Variants in SCN8A observed in about 807,000 individuals in gnomAD.
SCN8A encodes the protein sodium channel protein type 8 subunit alpha.
A neutral mutation model predicts 184.1 loss-of-function variants in SCN8A; 30 were observed. The observed-to-expected ratio is 0.16, with a 90% CI of 0.12 to 0.22. The LOEUF (loss-of-function observed/expected upper bound fraction) is 0.22, where lower values mean the gene tolerates loss of function less well. SCN8A is among the 10% of genes least tolerant of loss of function. The pLI is 1.00. For synonymous variants in SCN8A, 852 were observed against 907.0 expected (o/e 0.94, Z 1.09); for missense variants, 1,057 against 2,498.9 (o/e 0.42, Z 12.30).
chr12:51,690,191 G>T (rs1275044397), intron 6 of SCN8A, among the ~76,000 whole-genome samples: 1 of 152,110 alleles, frequency 6.6e-6, no homozygotes, highest in East Asian at 1.9e-4. Context: ...TTGGACTTTA[G>T]TTGTGGTCAT....
intron 2 of SCN8A, among the ~76,000 whole-genome samples, chr12:51,667,656 C>T (rs985620456): frequency 4.6e-5 from 7 of 152,118 alleles, no homozygotes; most frequent in African/African-American, 1.4e-4. Flanking sequence ...TACAAAATGG[C>T]CATATATACT....
Position 51,609,576 on chromosome 12 carries a change from T to C in SCN8A, c.-55+18217T>C, listed in dbSNP as rs541516680. Among the ~76,000 whole-genome samples, 8 of 152,320 alleles carry C rather than the reference T, an allele frequency of 5.3e-5. No individual in the cohort carries two copies. In the South Asian group the frequency reaches 1.5e-3, roughly 28 times the overall value. The stretch of plus-strand genomic sequence containing the variant: ...TTTTAACTGCTGTTGCTTTAAAGTT[T>C]GTTTTGTCTGATATAAGAATAGCTA... On this transcript the variant is annotated intron_variant, in intron 1 of 26. Coordinates refer to ENST00000627620, the MANE Select transcript of SCN8A (RefSeq NM_001330260.2).
rs1029409466 is a variant in SCN8A, at chr12:51,672,734, C to T, written c.276+9641C>T. ...AAACCTGCTTATCTTCTTTTATCTA[C>T]TTTCCTAGTTGATGGCACCAGCAAA... is the stretch of plus-strand genomic sequence containing the variant. On this transcript the variant is annotated intron_variant, in intron 2 of 26. Transcript: ENST00000627620. 5.9e-5 allele frequency among the ~76,000 whole-genome samples: 9 copies of T among 152,326 alleles called. 3 individuals carry two copies. Among genetic ancestry groups the T allele is most frequent in the Admixed American group, 5.9e-4 (9 of 15,298 alleles).
chr12:51,787,011 T>C (rs1938105554), intron 22 of SCN8A, among the ~76,000 whole-genome samples, 185 bp downstream of exon 22: 1 of 152,182 alleles, frequency 6.6e-6, no homozygotes, highest in Admixed American at 6.5e-5. Flanking sequence ...CTCTGACTTC[T>C]ACAAGATCTC....
At chr12:51,697,803 A>G (rs902895312) in intron 6 of SCN8A, among the ~76,000 whole-genome samples, 2 of 152,152 alleles carry the variant, frequency 1.3e-5, no homozygotes, top group Non-Finnish European at 2.9e-5. Context: ...CTCATTTGCT[A>G]TGTACTAAAT....
chr12:51,650,867 C>T (rs1418011485), intron 1 of SCN8A, among the ~76,000 whole-genome samples: 1 of 152,154 alleles, frequency 6.6e-6, no homozygotes, highest in Admixed American at 6.5e-5. Flanking sequence ...TCATAGCCTT[C>T]AGAGCTGAGA....
intron 14 of SCN8A, among the ~76,000 whole-genome samples, chr12:51,758,078 G>C (rs759629172): frequency 1.1e-4 from 17 of 152,240 alleles, no homozygotes; most frequent in Non-Finnish European, 2.4e-4. Flanking sequence ...CCAGGAATTT[G>C]ATGCCGAAGT....
At chr12:51,771,638 G>A (rs1942927019) in intron 19 of SCN8A, among the ~76,000 whole-genome samples, 1 of 152,192 alleles carries the variant, frequency 6.6e-6, no homozygotes, top group Admixed American at 6.5e-5. Flanking sequence ...GTTTACACAG[G>A]AAGGTGTCAG....
chr12:51,686,473 ATG>A lies in SCN8A; in HGVS notation c.485+23_485+24del. On this transcript the variant is annotated intron_variant, in intron 4 of 26. Transcript: ENST00000627620. ...AGAATGTGGAGTAAGTAACTCATTT[ATG>A]TGTGTGCTTGTTTGTTTTAAATATT... 6.7e-7 allele frequency: 1 copy of A among 1,496,626 alleles called. No homozygotes were observed. Among genetic ancestry groups the A allele is most frequent in the Admixed American group, 1.7e-5 (1 of 59,358 alleles). The allele number at this position is 1,496,626 out of a possible 1,614,324, so 92.7% of individuals were successfully genotyped here.
chr12:51,764,034 A>G (rs1296777549), intron 15 of SCN8A, among the ~76,000 whole-genome samples: 3 of 152,192 alleles, frequency 2.0e-5, no homozygotes, highest in African/African-American at 4.8e-5. Flanking sequence ...GAGAATAGTT[A>G]TTACCTAGGT....
intron 1 of SCN8A, among the ~76,000 whole-genome samples, chr12:51,637,216 C>T (rs1358769349): frequency 1.3e-5 from 2 of 152,100 alleles, no homozygotes; most frequent in Admixed American, 1.3e-4. Context: ...CATCTCTCTC[C>T]CTCTCCTCAG....
At chr12:51,616,099 A>G (rs1448725037) in intron 1 of SCN8A, among the ~76,000 whole-genome samples, 1 of 152,120 alleles carries the variant, frequency 6.6e-6, no homozygotes, top group African/African-American at 2.4e-5. Flanking sequence ...GGTATTTACC[A>G]CTTCTATTGC....
intron 11 of SCN8A, 123 bp from the exon 12 acceptor site, chr12:51,721,423 T>C (rs1942058284): frequency 1.0e-6 from 1 of 994,490 alleles, no homozygotes; most frequent in East Asian, 2.6e-5. Context: ...GAAACACTTG[T>C]GTTCTGATCA....
intron 1 of SCN8A, among the ~76,000 whole-genome samples, chr12:51,611,154 A>G (rs547530982): frequency 6.6e-6 from 1 of 151,588 alleles, no homozygotes; most frequent in East Asian, 1.9e-4. Context: ...TTTTCAGCCT[A>G]TAGATTCTAC....
At chr12:51,606,961 G>A (rs1239967664) in intron 1 of SCN8A, among the ~76,000 whole-genome samples, 3 of 151,212 alleles carry the variant, frequency 2.0e-5, no homozygotes, top group Non-Finnish European at 2.9e-5. Flanking sequence ...TCAGTGGCAC[G>A]ATCTCAGCTC....
chr12:51,721,984 TC>T, intron 12 of SCN8A, 76 bp downstream of exon 12: 1 of 1,597,514 alleles, frequency 6.3e-7, no homozygotes, highest in Non-Finnish European at 8.5e-7. Flanking sequence ...CATGGCAGTC[TC>T]CCCCGCTCCT....
chr12:51,669,852 G>GAC (rs950184158), intron 2 of SCN8A, among the ~76,000 whole-genome samples: 1 of 152,192 alleles, frequency 6.6e-6, no homozygotes, highest in Non-Finnish European at 1.5e-5. Context: ...AAACTGTGCT[G>GAC]ACACACTTTC....
chr12:51,801,780 C>T (rs1042175212), intron 26 of SCN8A, among the ~76,000 whole-genome samples: 2 of 152,152 alleles, frequency 1.3e-5, no homozygotes, highest in South Asian at 4.1e-4. Context: ...GCAGGCCAGG[C>T]GCCATAGCTC....
rs376972628 is a variant in SCN8A at position 51,695,991 on chromosome 12, C to T, written c.707-3579C>T. On this transcript the variant is annotated intron_variant, in intron 6 of 26. Transcript: ENST00000627620. ...CTGGAACTGTCAAAGAGCTCCCAGC[C>T]CAGGAAAATCAGATTCTACTCATGC... 1.1e-3 allele frequency among the ~76,000 whole-genome samples: 163 copies of T among 152,148 alleles called. 3 individuals are homozygous for T. The South Asian group carries it at 0.027, about 25-fold the overall frequency.
Sources: allele counts gnomAD v4.1 joint callset (sites outside exome capture counted in the v4.1 genomes callset), GRCh38; gene constraint gnomAD v4.1.1; transcripts MANE v1.5; gene names NCBI Gene and HGNC (gene_info 2026-07-23, HGNC 2026-07-21).